WDPCP: variants seen among roughly 807,000 people sequenced by gnomAD.
The protein encoded by WDPCP is WD repeat containing planar cell polarity effector.
WDPCP carries 71 observed loss-of-function variants against 93.1 expected under a neutral mutation model. The observed-to-expected ratio is 0.76, with a 90% CI of 0.63 to 0.93. The LOEUF is 0.93. WDPCP is among the 40% of genes least tolerant of loss of function. WDPCP has a pLI of 0.00. For missense variants in WDPCP, 844 were observed against 887.4 expected (o/e 0.95, Z 0.62); for synonymous variants, 315 against 315.0 (o/e 1.00, Z 0.00).
chr2:63,680,793 T>C (rs1710480508), intron 2 of WDPCP, among the ~76,000 whole-genome samples: 2 of 152,148 alleles, frequency 1.3e-5, no homozygotes, highest in Admixed American at 1.3e-4. Context: ...TTCTTCTTTC[T>C]ACTTGAGAAG....
rs1558859358 is a variant in WDPCP, at chr2:63,594,599, G to A, written n.488+56060C>T. 2.6e-6 allele frequency: 4 copies of A among 1,561,518 alleles called. No homozygotes were observed. In the South Asian group the frequency reaches 3.4e-5, roughly 13 times the overall value. On this transcript the variant is annotated intron_variant and non_coding_transcript_variant, in intron 3 of 4. Transcript: ENST00000467687. ...TGGTAAAGATCAGGTAGGAACAGGT[G>A]TCTATAAATCTTAAGTTATTAGAGT...
chr2:63,252,810 C>T (rs1356861586), intron 14 of WDPCP, among the ~76,000 whole-genome samples: 1 of 152,150 alleles, frequency 6.6e-6, no homozygotes, highest in East Asian at 1.9e-4. Context: ...TTGGAAAAAT[C>T]AATATCATTA....
In WDPCP at chr2:63,706,600, C is replaced by CTTTTTT. The variant is rs896018299; in HGVS notation, n.309-55768_309-55763dup. Among the ~76,000 whole-genome samples the CTTTTTT allele has an allele frequency of 3.1e-3, 191 of 61,704 alleles. 8 individuals are homozygous for CTTTTTT. The highest frequency in any genetic ancestry group is 0.02 in the Middle Eastern group (1 of 50). The allele number at this position is 61,704 out of a possible 152,430, so 40.5% of individuals were successfully genotyped here. On this transcript the variant is annotated intron_variant and non_coding_transcript_variant, in intron 2 of 4. Transcript: ENST00000467687. ...GAAATTCTGGGTTGAAAATTCTTTT[C>CTTTTTT]TTTTTTTTTTTTTTTTTTTTTTTTT... is the stretch of plus-strand genomic sequence containing the variant.
chr2:63,441,231 A>T (rs1381799051), intron 6 of WDPCP: 2 of 152,064 alleles, frequency 1.3e-5, no homozygotes, highest in African/African-American at 4.8e-5. Flanking sequence ...TTCACAACTT[A>T]ATCTCTACTG....
chr2:63,144,326 G>A (rs1396218656), intron 17 of WDPCP, among the ~76,000 whole-genome samples: 1 of 151,792 alleles, frequency 6.6e-6, no homozygotes, highest in Non-Finnish European at 1.5e-5. Context: ...TGTCACCCAG[G>A]CTGGAGTGCA....
chr2:63,176,972 A>C (rs1470670768), intron 14 of WDPCP, among the ~76,000 whole-genome samples: 1 of 152,188 alleles, frequency 6.6e-6, no homozygotes, highest in East Asian at 1.9e-4. Context: ...GCTCTTTTGC[A>C]TGGGGATATC....
intron 12 of WDPCP, among the ~76,000 whole-genome samples, chr2:63,329,865 CT>C (rs1158861940): frequency 6.6e-6 from 1 of 152,084 alleles, no homozygotes; most frequent in African/African-American, 2.4e-5. Flanking sequence ...GTCTGGCTTA[CT>C]CACTTAGCAT....
chr2:63,571,679 C>T (rs1707515552), intron 1 of WDPCP: 2 of 462,882 alleles, frequency 4.3e-6, no homozygotes, highest in South Asian at 1.6e-5. Flanking sequence ...AGAAGTGGCT[C>T]GTATTTTAAG....
At chr2:63,674,927 A>G (rs1710387484) in intron 2 of WDPCP, among the ~76,000 whole-genome samples, 1 of 152,142 alleles carries the variant, frequency 6.6e-6, no homozygotes, top group Non-Finnish European at 1.5e-5. Context: ...CTTGACAGGT[A>G]TGTATGTGTC....
chr2:63,826,114 C>T (rs542088171), intron 1 of WDPCP, among the ~76,000 whole-genome samples: 1 of 152,214 alleles, frequency 6.6e-6, no homozygotes, highest in East Asian at 1.9e-4. Context: ...TCAGATGCAT[C>T]AGTTTGCCAA....
intron 2 of WDPCP, among the ~76,000 whole-genome samples, chr2:63,709,939 G>T (rs912227469): frequency 6.6e-6 from 1 of 152,130 alleles, no homozygotes; most frequent in Non-Finnish European, 1.5e-5. Context: ...TAAAATCAAG[G>T]GGTAAAAATG....
At chr2:63,216,869 C>T (rs922319631) in intron 14 of WDPCP, among the ~76,000 whole-genome samples, 5 of 152,046 alleles carry the variant, frequency 3.3e-5, no homozygotes, top group Non-Finnish European at 5.9e-5. Flanking sequence ...CTAAGGACTA[C>T]TATAATGAAA....
At chr2:63,481,530 GT>G (rs1700266292) in intron 6 of WDPCP, among the ~76,000 whole-genome samples, 1 of 151,866 alleles carries the variant, frequency 6.6e-6, no homozygotes, top group Admixed American at 6.6e-5. Context: ...AGAAACTGTG[GT>G]AAATATATAC....
intron 8 of WDPCP, among the ~76,000 whole-genome samples, chr2:63,437,008 GT>G (rs1031068009): frequency 6.6e-6 from 1 of 151,904 alleles, no homozygotes; most frequent in African/African-American, 2.4e-5. Context: ...ACCTTTCAAA[GT>G]GCCTTCATCT....
chr2:63,279,610 A>G (rs1170162392), intron 13 of WDPCP, among the ~76,000 whole-genome samples: 1 of 152,208 alleles, frequency 6.6e-6, no homozygotes, highest in Non-Finnish European at 1.5e-5. Flanking sequence ...TCCTAGTCAG[A>G]GCAATCAGAC....
At chr2:63,796,932 A>G (rs1670626090) in intron 2 of WDPCP, among the ~76,000 whole-genome samples, 1 of 152,134 alleles carries the variant, frequency 6.6e-6, no homozygotes, top group African/African-American at 2.4e-5. Flanking sequence ...AGCTCCAGGA[A>G]AGATTCTTTC....
intron 9 of WDPCP, among the ~76,000 whole-genome samples, chr2:63,417,266 C>G (rs1575377524): frequency 2.0e-5 from 3 of 152,202 alleles, no homozygotes; most frequent in Non-Finnish European, 4.4e-5. Flanking sequence ...ATAGTGCAAA[C>G]TGTTTTAAAC....
chr2:63,733,336 A>G (rs959381522), intron 2 of WDPCP, among the ~76,000 whole-genome samples: 1 of 149,818 alleles, frequency 6.7e-6, no homozygotes, highest in Admixed American at 6.6e-5. Flanking sequence ...AGTAGCTGGG[A>G]CTACAGGTGC....
At position 63,153,583 on chromosome 2, in the gene WDPCP, T is replaced by A; in HGVS notation, c.2079-9A>T. 1 of 1,603,464 alleles carries A rather than the reference T, an allele frequency of 6.2e-7. No homozygotes were observed. Among genetic ancestry groups the A allele is most frequent in the South Asian group, 1.1e-5 (1 of 88,946 alleles). On this transcript the variant is annotated splice_polypyrimidine_tract_variant and intron_variant, in intron 15 of 17. Transcript: ENST00000272321. ...TTCTGTCAATTATTTGTCTGCAGTA[T>A]ATGGGTGTTTTTAATTGGAAAAAGG...
Sources: gnomAD v4.1 joint callset for allele counts (sites outside exome capture counted in the v4.1 genomes callset) on GRCh38, gnomAD v4.1.1 for gene constraint, MANE v1.5 for transcripts, NCBI Gene and HGNC (gene_info 2026-07-23, HGNC 2026-07-21) for gene names.